Variants in USH2A observed in about 807,000 individuals in gnomAD.
USH2A encodes the protein Usher syndrome 2A (autosomal recessive, mild).
Under a neutral mutation model 538.9 loss-of-function variants are expected in USH2A, and 443 were observed. The ratio of observed to expected loss-of-function variants is 0.82; its 90% CI spans 0.76 to 0.89. The LOEUF is 0.89. USH2A is among the 40% of genes least tolerant of loss of function. The pLI is 0.00. For synonymous variants in USH2A, 2,413 were observed against 2,273.5 expected (o/e 1.06, Z -1.75); for missense variants, 6,633 against 6,324.8 (o/e 1.05, Z -1.65).
intron 58 of USH2A, among the ~76,000 whole-genome samples, chr1:215,753,194 C>A (rs1469364461): frequency 6.6e-6 from 1 of 152,014 alleles, no homozygotes; most frequent in Non-Finnish European, 1.5e-5. Context: ...GAAATAGGAA[C>A]ACTTTTACAC....
intron 32 of USH2A, among the ~76,000 whole-genome samples, chr1:216,026,886 A>G (rs975353453): frequency 6.6e-6 from 1 of 152,188 alleles, no homozygotes; most frequent in Admixed American, 6.5e-5. Context: ...CTGCCTCATT[A>G]TCGTACTCAA....
At chr1:216,161,729 T>C (rs998971936) in intron 21 of USH2A, among the ~76,000 whole-genome samples, 1 of 152,134 alleles carries the variant, frequency 6.6e-6, no homozygotes, top group Non-Finnish European at 1.5e-5. Context: ...AACTCTTTTG[T>C]TAAGAAAAAT....
intron 62 of USH2A, among the ~76,000 whole-genome samples, chr1:215,676,137 C>T (rs1399936147): frequency 1.3e-5 from 2 of 151,788 alleles, no homozygotes; most frequent in African/African-American, 2.4e-5. Context: ...CACACAGACA[C>T]CTATATTTTA....
At chr1:216,041,358 C>T (rs1340132218) in intron 32 of USH2A, among the ~76,000 whole-genome samples, 2 of 151,938 alleles carry the variant, frequency 1.3e-5, no homozygotes, top group African/African-American at 2.4e-5. Flanking sequence ...ATGCCTTTGA[C>T]TTTTAATGCT....
intron 12 of USH2A, 82 bp from the exon 13 acceptor site, chr1:216,247,308 A>G (rs1434103278): frequency 1.8e-5 from 28 of 1,539,172 alleles, no homozygotes; most frequent in African/African-American, 2.7e-5. Context: ...ATGCTACTGC[A>G]GATGATACGA....
At chr1:216,395,091 AC>A (rs1307639337) in intron 3 of USH2A, among the ~76,000 whole-genome samples, 1 of 152,148 alleles carries the variant, frequency 6.6e-6, no homozygotes, top group African/African-American at 2.4e-5. Flanking sequence ...CACTGTTGAG[AC>A]TTCTGTCAAA....
intron 38 of USH2A, among the ~76,000 whole-genome samples, chr1:215,926,768 G>A (rs888113059): frequency 6.6e-6 from 1 of 151,636 alleles, no homozygotes; most frequent in Non-Finnish European, 1.5e-5. Flanking sequence ...CAACATGCCC[G>A]GCTAAGTTTT....
chr1:216,104,037 A>C (rs901809146), intron 21 of USH2A, among the ~76,000 whole-genome samples: 12 of 151,916 alleles, frequency 7.9e-5, no homozygotes, highest in African/African-American at 2.9e-4. Flanking sequence ...TCTTTGACTT[A>C]CCTTTTCATT....
intron 67 of USH2A, among the ~76,000 whole-genome samples, chr1:215,645,918 G>A (rs1250357317): frequency 1.3e-5 from 2 of 149,838 alleles, no homozygotes; most frequent in African/African-American, 4.9e-5. Context: ...TTATTAATGG[G>A]AAATTAAAAA....
intron 44 of USH2A, among the ~76,000 whole-genome samples, chr1:215,857,405 G>T (rs893042821): frequency 1.3e-5 from 2 of 152,084 alleles, no homozygotes; most frequent in Non-Finnish European, 2.9e-5. Context: ...CTCATAAAGG[G>T]TTGCAGCCTG....
chr1:215,742,823 TA>T (rs1342341319), intron 59 of USH2A, among the ~76,000 whole-genome samples: 1 of 152,200 alleles, frequency 6.6e-6, no homozygotes, highest in African/African-American at 2.4e-5. Flanking sequence ...AAAATTTAAA[TA>T]AGGCCAAGGT....
chr1:216,262,736 A>C (rs781209790), intron 11 of USH2A, among the ~76,000 whole-genome samples: 1 of 152,102 alleles, frequency 6.6e-6, no homozygotes, highest in Non-Finnish European at 1.5e-5. Context: ...AAAAGTTCCC[A>C]AATGTATTTA....
intron 47 of USH2A, among the ~76,000 whole-genome samples, chr1:215,826,897 C>A (rs4528089): frequency 6.6e-6 from 1 of 151,868 alleles, no homozygotes; most frequent in Non-Finnish European, 1.5e-5. Flanking sequence ...AGAAAATGTA[C>A]TAAAATCAGT....
At chr1:216,410,793 C>T (rs2039474936) in intron 3 of USH2A, among the ~76,000 whole-genome samples, 1 of 152,114 alleles carries the variant, frequency 6.6e-6, no homozygotes, top group Admixed American at 6.6e-5. Context: ...ATTACATATT[C>T]CTTCATCAAC....
At chr1:216,140,845 T>C (rs570370044) in intron 21 of USH2A, among the ~76,000 whole-genome samples, 4 of 152,330 alleles carry the variant, frequency 2.6e-5, no homozygotes, top group African/African-American at 4.8e-5. Flanking sequence ...CAGGCAGCCC[T>C]GGGTGGACCC....
chr1:216,189,276 A>G (rs1038281116), intron 20 of USH2A, among the ~76,000 whole-genome samples: 8 of 151,964 alleles, frequency 5.3e-5, no homozygotes, highest in Non-Finnish European at 8.8e-5. Flanking sequence ...ACCAGAAAAA[A>G]AACCCTACAT....
intron 3 of USH2A, among the ~76,000 whole-genome samples, chr1:216,386,107 A>G (rs1245292340): frequency 2.6e-5 from 4 of 152,210 alleles, no homozygotes. Context: ...ACCTCCACAC[A>G]GTACAGTCCT....
chr1:215,727,363 A>G (rs555822222), intron 61 of USH2A, among the ~76,000 whole-genome samples: 2 of 152,208 alleles, frequency 1.3e-5, no homozygotes, highest in Admixed American at 6.5e-5. Context: ...CCTCATCTCT[A>G]TGAGGTATGG....
chr1:216,269,555 T>A (rs1439333899), intron 11 of USH2A, among the ~76,000 whole-genome samples: 1 of 152,120 alleles, frequency 6.6e-6, no homozygotes, highest in Non-Finnish European at 1.5e-5. Flanking sequence ...TCACTCTGCT[T>A]ATCATAAGCT....
Sources: gnomAD v4.1 joint callset for allele counts (sites outside exome capture counted in the v4.1 genomes callset) on GRCh38, gnomAD v4.1.1 for gene constraint, MANE v1.5 for transcripts, NCBI Gene and HGNC (gene_info 2026-07-23, HGNC 2026-07-21) for gene names.